The following SNX9 variants were observed in gnomAD, a reference collection of about 807,000 sequenced individuals.
SNX9 encodes sorting nexin-9.
SNX9 carries 44 observed loss-of-function variants against 89.4 expected under a neutral mutation model. The observed-to-expected ratio is 0.49, with a 90% CI of 0.39 to 0.63. SNX9 has a LOEUF of 0.63. SNX9 is among the 30% of genes least tolerant of loss of function. SNX9 has a pLI of 0.00. For missense variants in SNX9, 578 were observed against 736.1 expected (o/e 0.79, Z 2.49); for synonymous variants, 236 against 247.8 (o/e 0.95, Z 0.45).
At chr6:157,841,596 G>T (rs560931673) in intron 1 of SNX9, among the ~76,000 whole-genome samples, 1 of 152,274 alleles carries the variant, frequency 6.6e-6, no homozygotes, top group South Asian at 2.1e-4. Flanking sequence ...GAAGTAGGCT[G>T]TGTGTAGCTT....
At chr6:157,858,910 C>A (rs974518832) in intron 1 of SNX9, among the ~76,000 whole-genome samples, 1 of 152,182 alleles carries the variant, frequency 6.6e-6, no homozygotes, top group Non-Finnish European at 1.5e-5. Context: ...TCCACCTGGC[C>A]CTGCCCTTGA....
At chr6:157,857,648 CTTGT>C (rs2115126485) in intron 1 of SNX9, among the ~76,000 whole-genome samples, 1 of 140,276 alleles carries the variant, frequency 7.1e-6, no homozygotes, top group African/African-American at 2.7e-5. Context: ...CTAGTTTTTC[CTTGT>C]TTTTTTTTTT....
chr6:157,942,986 C>A lies in SNX9; in HGVS notation c.*148C>A. The A allele has an allele frequency of 2.8e-6, 2 of 710,456 alleles. No homozygotes were observed. Among genetic ancestry groups the A allele is most frequent in the Non-Finnish European group, 4.5e-6 (2 of 443,502 alleles). The allele number at this position is 710,456 out of a possible 1,614,324, so 44.0% of individuals were successfully genotyped here. On this transcript the variant is annotated 3_prime_UTR_variant, in exon 18 of 18. Transcript: ENST00000392185. Reference sequence around the variant, plus strand: ...CAAAAAACTGCATTTATTTTATTAGCCACCCTAAATGCGTCAGTTATTTAG... The same window carrying A: ...CAAAAAACTGCATTTATTTTATTAGACACCCTAAATGCGTCAGTTATTTAG...
intron 4 of SNX9, among the ~76,000 whole-genome samples, chr6:157,878,396 A>AT (rs917447319): frequency 2.5e-4 from 38 of 149,920 alleles, no homozygotes; most frequent in African/African-American, 7.6e-4. Context: ...AATAGACAGC[A>AT]TTTTTTTTAT....
At chr6:157,867,749 T>A in intron 2 of SNX9, 116 bp downstream of exon 2, 1 of 876,612 alleles carries the variant, frequency 1.1e-6, no homozygotes, top group Non-Finnish European at 1.6e-6. Flanking sequence ...TTTTTAAGAT[T>A]TTATTTTTTT....
Position 157,939,428 on chromosome 6 carries a change from A to T in SNX9, c.1648+681A>T, listed in dbSNP as rs1004168619. ...ATTAAGAAGCCATTAAAAGGGAGTA[A>T]AAAAAAATCAATCCTCAAGGGAGAA... On this transcript the variant is annotated intron_variant, in intron 16 of 17. Transcript: ENST00000392185. 1.9e-4 allele frequency among the ~76,000 whole-genome samples: 15 copies of T among 78,284 alleles called. 1 individual carries two copies. The highest frequency in any genetic ancestry group is 1.1e-3 in the African/African-American group (13 of 11,800). The allele number at this position is 78,284 out of a possible 152,430, so 51.4% of individuals were successfully genotyped here.
intron 3 of SNX9, among the ~76,000 whole-genome samples, chr6:157,873,561 AATAT>A (rs1562601022): frequency 2.7e-5 from 4 of 146,948 alleles, no homozygotes; most frequent in African/African-American, 5.0e-5. Flanking sequence ...ATACATTTTA[AATAT>A]ATATTTATAT....
At chr6:157,928,734 G>A (rs376601543) in intron 12 of SNX9, 32 bp downstream of exon 12, 239 of 1,500,398 alleles carry the variant, frequency 1.6e-4, no homozygotes, top group Non-Finnish European at 2.1e-4. Context: ...CACTGGGCTC[G>A]TAGGGGGTGA....
chr6:157,861,623 G>A (rs1278165176), intron 1 of SNX9, among the ~76,000 whole-genome samples: 1 of 152,198 alleles, frequency 6.6e-6, no homozygotes, highest in Non-Finnish European at 1.5e-5. Context: ...GCAAGGTTGA[G>A]CAAAAGCTGT....
At chr6:157,834,149 GGTTTT>G (rs1324724436) in intron 1 of SNX9, among the ~76,000 whole-genome samples, 2,195 of 60,112 alleles carry the variant, frequency 0.037, 200 homozygotes, top group African/African-American at 0.13. Flanking sequence ...TGTCCACTGT[GGTTTT>G]TTTTTTTTTT....
intron 1 of SNX9, among the ~76,000 whole-genome samples, chr6:157,836,266 G>A (rs775408765): frequency 6.6e-6 from 1 of 151,990 alleles, no homozygotes; most frequent in Non-Finnish European, 1.5e-5. Flanking sequence ...TCTTGTGCAC[G>A]TTCTGGAGTT....
chr6:157,827,544 T>TAAACA lies in SNX9; in HGVS notation c.12+4098_12+4099insAAACA, dbSNP rs1562586551. Among the ~76,000 whole-genome samples, 9 of 19,678 alleles carry TAAACA rather than the reference T, an allele frequency of 4.6e-4. 2 individuals carry two copies. Among genetic ancestry groups the TAAACA allele is most frequent in the East Asian group, 3.1e-3 (3 of 978 alleles). The allele number at this position is 19,678 out of a possible 152,430, so 12.9% of individuals were successfully genotyped here. A position where few individuals can be genotyped will look rare whatever the true frequency, so the allele number is the denominator to read the frequency against. On this transcript the variant is annotated intron_variant, in intron 1 of 17. Coordinates refer to ENST00000392185, the MANE Select transcript of SNX9 (RefSeq NM_016224.5). ...AGTTTATATAATATATAAACATATA[T>TAAACA]TATATTATAGTTTATATAATATATA...
At chr6:157,867,987 A>G (rs1782303225) in intron 2 of SNX9, among the ~76,000 whole-genome samples, 1 of 152,214 alleles carries the variant, frequency 6.6e-6, no homozygotes, top group Non-Finnish European at 1.5e-5. Flanking sequence ...GTCCTGGAAC[A>G]TGGTTCAGTG....
chr6:157,859,219 G>T (rs892065315), intron 1 of SNX9, among the ~76,000 whole-genome samples: 24 of 152,226 alleles, frequency 1.6e-4, no homozygotes, highest in African/African-American at 5.3e-4. Flanking sequence ...ACTTCCACTT[G>T]TGTTATCACT....
intron 9 of SNX9, among the ~76,000 whole-genome samples, chr6:157,912,133 A>G (rs538020994): frequency 1.3e-5 from 2 of 152,320 alleles, no homozygotes; most frequent in African/African-American, 4.8e-5. Flanking sequence ...ATTGCTTTCA[A>G]TCACAGTTTT....
chr6:157,823,863 G>A lies in SNX9; in HGVS notation c.12+417G>A, dbSNP rs1298443431. Among the ~76,000 whole-genome samples, 1 of 151,972 alleles carries A rather than the reference G, an allele frequency of 6.6e-6. No homozygotes were observed. Among genetic ancestry groups the A allele is most frequent in the African/African-American group, 2.4e-5 (1 of 41,408 alleles). ...CGCCCCCACGTCCCCTCCCGCTGCC[G>A]CCTGGGGGACCCTCGCCCCCGCGGG... is the stretch of plus-strand genomic sequence containing the variant. On this transcript the variant is annotated intron_variant, in intron 1 of 17. Coordinates refer to ENST00000392185, the MANE Select transcript of SNX9 (RefSeq NM_016224.5). This position sits in a 1 kb window ranked among gnomAD's most constrained non-coding sequence, Gnocchi z 4.6.
At chr6:157,937,109 A>G (rs1291458245) in intron 14 of SNX9, among the ~76,000 whole-genome samples, 1 of 152,286 alleles carries the variant, frequency 6.6e-6, no homozygotes. Context: ...AAGTTAAACT[A>G]CAACAACTCA....
intron 1 of SNX9, among the ~76,000 whole-genome samples, chr6:157,832,724 GA>G (rs1484076429): frequency 3.3e-5 from 5 of 152,154 alleles, no homozygotes; most frequent in Non-Finnish European, 7.3e-5. Flanking sequence ...CAGATCTTGT[GA>G]GAATTCATGA....
chr6:157,937,340 A>G, intron 14 of SNX9, 94 bp from the exon 15 acceptor site: 1 of 824,768 alleles, frequency 1.2e-6, no homozygotes, highest in African/African-American at 1.7e-5. Context: ...AGTGTAGCAC[A>G]TGCAGGATTT....
Sources: allele counts gnomAD v4.1 joint callset (sites outside exome capture counted in the v4.1 genomes callset), GRCh38; gene constraint gnomAD v4.1.1; non-coding constraint Gnocchi (gnomAD v3.1); transcripts MANE v1.5; gene names NCBI Gene and HGNC (gene_info 2026-07-23, HGNC 2026-07-21).